Variants in BAIAP2 observed in about 807,000 individuals in gnomAD.
BAIAP2 encodes the protein BAR/IMD domain-containing adapter protein 2.
A neutral mutation model predicts 63.0 loss-of-function variants in BAIAP2; 18 were observed. The ratio of observed to expected loss-of-function variants is 0.29; its 90% confidence interval spans 0.20 to 0.42. The LOEUF is 0.42. Among genes scored for constraint, BAIAP2 ranks in the 10% least tolerant of loss-of-function variants. BAIAP2 has a pLI of 1.00. For synonymous variants in BAIAP2, 386 were observed against 307.6 expected (o/e 1.25, Z -2.67); for missense variants, 610 against 734.3 (o/e 0.83, Z 1.96).
intron 7 of BAIAP2, among the ~76,000 whole-genome samples, chr17:81,101,078 C>T (rs1049727509): frequency 4.6e-5 from 7 of 151,048 alleles, no homozygotes; most frequent in Admixed American, 2.0e-4. Context: ...CTGTGTCTCC[C>T]GCTAGGTGTC....
At chr17:81,101,651 G>A (rs529420720) in intron 7 of BAIAP2, among the ~76,000 whole-genome samples, 3 of 152,216 alleles carry the variant, frequency 2.0e-5, no homozygotes, top group South Asian at 2.1e-4. Flanking sequence ...ACACACACAC[G>A]CACGTGATAC....
chr17:81,068,944 C>T (rs1357182303), intron 3 of BAIAP2, among the ~76,000 whole-genome samples: 1 of 152,174 alleles, frequency 6.6e-6, no homozygotes, highest in African/African-American at 2.4e-5. Context: ...GCTCCAGGCT[C>T]CTCCACTCCC....
At chr17:81,114,165 G>A (rs1376747795) in intron 13 of BAIAP2, among the ~76,000 whole-genome samples, 5 of 148,314 alleles carry the variant, frequency 3.4e-5, no homozygotes. Flanking sequence ...TGTAGAGACG[G>A]GTACGCTTTG....
chr17:81,073,125 G>A (rs1035291525), intron 3 of BAIAP2, among the ~76,000 whole-genome samples: 5 of 152,024 alleles, frequency 3.3e-5, no homozygotes, highest in Admixed American at 1.3e-4. Context: ...CGTAGGTGGC[G>A]TGGGGCCTTC....
chr17:81,065,999 G>A (rs1351378193), intron 3 of BAIAP2, among the ~76,000 whole-genome samples: 1 of 152,232 alleles, frequency 6.6e-6, no homozygotes. Flanking sequence ...CACTTCCTTT[G>A]TGTGGTCAGA....
chr17:81,113,666 C>A (rs572575778), intron 13 of BAIAP2, among the ~76,000 whole-genome samples: 175 of 152,176 alleles, frequency 1.1e-3, no homozygotes, highest in African/African-American at 4.0e-3. Flanking sequence ...GCATTTGCAG[C>A]CCCAGCCCCA....
intron 2 of BAIAP2, among the ~76,000 whole-genome samples, chr17:81,054,705 G>C (rs879639349): frequency 6.6e-6 from 1 of 152,148 alleles, no homozygotes; most frequent in Non-Finnish European, 1.5e-5. Context: ...CAGAGGGTGT[G>C]GGGGACTGGT....
chr17:81,037,366 G>T (rs989696395), intron 1 of BAIAP2, among the ~76,000 whole-genome samples: 1 of 152,252 alleles, frequency 6.6e-6, no homozygotes, highest in Non-Finnish European at 1.5e-5. Context: ...CACAGGCGGG[G>T]TTGGTTTTGT....
At chr17:81,039,984 G>A (rs901825896) in intron 1 of BAIAP2, among the ~76,000 whole-genome samples, 21 of 152,266 alleles carry the variant, frequency 1.4e-4, no homozygotes, top group African/African-American at 4.1e-4. Flanking sequence ...CTGCAGGAGT[G>A]GCAGGTGGTG....
rs532294687 is a variant in BAIAP2, at chr17:81,058,074, C to A, written c.217+107C>A. On this transcript the variant is annotated intron_variant, in intron 3 of 13. Transcript: ENST00000428708. ...TTTTTGATTTGGGATCAGGTTTTGCCTGTCAAATAGGAAAATATTTTAATG... is the reference window on the plus strand; with the variant it reads ...TTTTTGATTTGGGATCAGGTTTTGCATGTCAAATAGGAAAATATTTTAATG... 8.8e-6 allele frequency: 8 copies of A among 907,316 alleles called. No homozygotes were observed. The East Asian group carries it at 1.9e-4, about 22-fold the overall frequency. 56.2% of individuals were successfully genotyped at this position (907,316 alleles called of 1,614,324 possible).
intron 3 of BAIAP2, among the ~76,000 whole-genome samples, chr17:81,070,820 G>A (rs9319613): frequency 0.022 from 3,307 of 152,360 alleles, 124 homozygotes; most frequent in African/African-American, 0.076. Context: ...TGGTGCCAGA[G>A]GCCCGGGCAG....
chr17:81,057,845 T>G (rs774380261), intron 2 of BAIAP2, 36 bp from the exon 3 acceptor site: 2 of 1,598,822 alleles, frequency 1.3e-6, no homozygotes, highest in Admixed American at 3.4e-5. Flanking sequence ...CTGTCCCTCG[T>G]GGAGGAAATA....
Position 81,116,458 on chromosome 17 carries a change from G to A in BAIAP2, c.*619G>A. 2 of 979,730 alleles carry A rather than the reference G, an allele frequency of 2.0e-6. No individual in the cohort carries two copies. 60.7% of individuals were successfully genotyped at this position (979,730 alleles called of 1,614,324 possible). ...GCCTCCCCAGGCCCCTCCTGCCTCGGGCAGGCCCCAGCCCTCCTCCTTACC... is the reference window on the plus strand; with the variant it reads ...GCCTCCCCAGGCCCCTCCTGCCTCGAGCAGGCCCCAGCCCTCCTCCTTACC... On this transcript the variant is annotated 3_prime_UTR_variant, in exon 14 of 14. Transcript: ENST00000428708.
intron 2 of BAIAP2, among the ~76,000 whole-genome samples, chr17:81,057,073 T>C (rs932022760): frequency 1.3e-5 from 2 of 152,266 alleles, no homozygotes; most frequent in African/African-American, 4.8e-5. Flanking sequence ...TGCCCAGTTA[T>C]AGGCCCCTAA....
At chr17:81,052,133 CG>C (rs1483620668) in intron 1 of BAIAP2, among the ~76,000 whole-genome samples, 4 of 152,206 alleles carry the variant, frequency 2.6e-5, no homozygotes, top group South Asian at 4.1e-4. Context: ...ACCCTCACGC[CG>C]GGTCCTGCTT....
intron 1 of BAIAP2, among the ~76,000 whole-genome samples, chr17:81,048,879 C>T (rs2048232753): frequency 6.6e-6 from 1 of 152,204 alleles, no homozygotes; most frequent in Non-Finnish European, 1.5e-5. Flanking sequence ...GGGCAGGGAC[C>T]CCTCCTCTCC....
rs541590553 is a variant in BAIAP2 at position 81,055,339 on chromosome 17, G to C, written c.130+1596G>C. Among the ~76,000 whole-genome samples the C allele has an allele frequency of 1.2e-4, 19 of 152,244 alleles. No homozygotes were observed. In the East Asian group the frequency reaches 3.7e-3, roughly 29 times the overall value. ...GCCCGCCTGCCACATCTAGTTGGGGGTGGCCTTCATGTTTCCTTGTGGGCA... is the reference window on the plus strand; with the variant it reads ...GCCCGCCTGCCACATCTAGTTGGGGCTGGCCTTCATGTTTCCTTGTGGGCA... On this transcript the variant is annotated intron_variant, in intron 2 of 13. Coordinates refer to ENST00000428708, the MANE Select transcript of BAIAP2 (RefSeq NM_001144888.2).
chr17:81,112,378 T>G (rs2060022599), intron 13 of BAIAP2, among the ~76,000 whole-genome samples: 1 of 152,240 alleles, frequency 6.6e-6, no homozygotes. Context: ...GGCCACGCAG[T>G]CTGCCTGGTC....
At chr17:81,043,580 G>A (rs927481655) in intron 1 of BAIAP2, among the ~76,000 whole-genome samples, 3 of 152,104 alleles carry the variant, frequency 2.0e-5, no homozygotes, top group Non-Finnish European at 4.4e-5. Context: ...CCTGGCACCC[G>A]GGAGGCCCTG....
Sources: gnomAD v4.1 joint callset for allele counts (sites outside exome capture counted in the v4.1 genomes callset) on GRCh38, gnomAD v4.1.1 for gene constraint, MANE v1.5 for transcripts, NCBI Gene and HGNC (gene_info 2026-07-23, HGNC 2026-07-21) for gene names.